The following PDE12 variants were observed in gnomAD, a reference collection of about 807,000 sequenced individuals.
PDE12 encodes the protein 2',5'-phosphodiesterase 12.
A neutral mutation model predicts 45.4 loss-of-function variants in PDE12; 26 were observed. That is an observed-to-expected ratio of 0.57 (90% CI 0.42 to 0.79). The LOEUF (loss-of-function observed/expected upper bound fraction) is 0.79, where lower values mean the gene tolerates loss of function less well. Ranked by LOEUF, PDE12 falls within the 30% of genes least tolerant of loss-of-function variation. PDE12 has a pLI of 0.00. For synonymous variants in PDE12, 283 were observed against 323.9 expected (o/e 0.87, Z 1.36); for missense variants, 668 against 790.0 (o/e 0.85, Z 1.85).
chr3:57,628,759 C>A, the PDE12 span: 2 of 1,567,546 alleles, frequency 1.3e-6, no homozygotes, highest in Non-Finnish European at 1.7e-6. Context: ...CATGAGAGGA[C>A]AATGTCTTCA....
At chr3:57,614,540 T>TTG in the PDE12 span, among the ~76,000 whole-genome samples, 5 of 118,528 alleles carry the variant, frequency 4.2e-5, no homozygotes, top group Non-Finnish European at 1.7e-5. Context: ...TTTTTTTGTT[T>TTG]TTTGTTTTTT....
At chr3:57,630,520 A>G in the PDE12 span, 31 of 1,587,138 alleles carry the variant, frequency 2.0e-5, no homozygotes, top group Non-Finnish European at 2.6e-5. Flanking sequence ...ACTTTAGGAA[A>G]TGCCTATAAA....
the PDE12 span, chr3:57,597,005 C>T: frequency 2.6e-6 from 4 of 1,557,734 alleles, no homozygotes; most frequent in East Asian, 2.3e-5. Flanking sequence ...AAAACAGGCC[C>T]AGAGGCCACC....
At chr3:57,578,508 G>T in the PDE12 span, among the ~76,000 whole-genome samples, 1 of 145,794 alleles carries the variant, frequency 6.9e-6, no homozygotes, top group East Asian at 2.0e-4. Flanking sequence ...TCTCAGACAG[G>T]GTCTCAACTC....
the PDE12 span, chr3:57,631,099 T>TC: frequency 1.3e-6 from 1 of 761,332 alleles, no homozygotes; most frequent in Non-Finnish European, 2.2e-6. Flanking sequence ...CAGCAACAAC[T>TC]CCATCACTCC....
chr3:57,617,714 T>A, the PDE12 span, among the ~76,000 whole-genome samples: 164 of 151,720 alleles, frequency 1.1e-3, no homozygotes, highest in Non-Finnish European at 1.8e-3. Context: ...AAATTTTTTT[T>A]AAATTAGCCA....
chr3:57,583,941 T>C, the PDE12 span: 1 of 1,611,894 alleles, frequency 6.2e-7, no homozygotes, highest in Non-Finnish European at 8.5e-7. Context: ...CCTAATTCTA[T>C]CTTGACCACC....
chr3:57,581,488 T>C, the PDE12 span, among the ~76,000 whole-genome samples: 1 of 152,202 alleles, frequency 6.6e-6, no homozygotes, highest in Non-Finnish European at 1.5e-5. Flanking sequence ...AGCAAGGTTT[T>C]ACTTCATATC....
chr3:57,629,839 G>C, the PDE12 span, among the ~76,000 whole-genome samples: 1 of 152,060 alleles, frequency 6.6e-6, no homozygotes, highest in Non-Finnish European at 1.5e-5. Flanking sequence ...ATTTCTAAAA[G>C]TGTTAATACT....
chr3:57,620,584 G>A, the PDE12 span, among the ~76,000 whole-genome samples: 7 of 151,868 alleles, frequency 4.6e-5, no homozygotes, highest in African/African-American at 1.7e-4. Context: ...AAATCTGATG[G>A]AGTCTTCAAA....
the PDE12 span, among the ~76,000 whole-genome samples, chr3:57,588,588 T>TCA: frequency 1.4e-5 from 2 of 147,608 alleles, no homozygotes; most frequent in Non-Finnish European, 3.0e-5. Flanking sequence ...GCACAGTGGC[T>TCA]CACACCTGTA....
the PDE12 span, among the ~76,000 whole-genome samples, chr3:57,601,341 C>G: frequency 1.1e-4 from 16 of 152,012 alleles, no homozygotes; most frequent in Non-Finnish European, 1.9e-4. Context: ...AACTCCTGAC[C>G]TAGGTGGTCC....
chr3:57,651,931 G>A, the PDE12 span, among the ~76,000 whole-genome samples: 3 of 152,154 alleles, frequency 2.0e-5, no homozygotes, highest in African/African-American at 7.2e-5. Flanking sequence ...TGTCCAGGCT[G>A]TGCATGGTGG....
At chr3:57,631,558 T>G in the PDE12 span, among the ~76,000 whole-genome samples, 2 of 152,086 alleles carry the variant, frequency 1.3e-5, no homozygotes, top group African/African-American at 4.8e-5. Flanking sequence ...GATAATGCAC[T>G]CAACATTTTA....
the PDE12 span, among the ~76,000 whole-genome samples, chr3:57,602,801 C>T: frequency 5.9e-5 from 9 of 151,930 alleles, no homozygotes; most frequent in Non-Finnish European, 1.3e-4. Flanking sequence ...CAACTCCTGA[C>T]CTCAGGTAAT....
the PDE12 span, among the ~76,000 whole-genome samples, chr3:57,609,485 T>G: frequency 6.6e-6 from 1 of 151,868 alleles, no homozygotes; most frequent in East Asian, 1.9e-4. Flanking sequence ...ATTGATAGAC[T>G]GCAAGCAAGA....
Position 57,565,156 on chromosome 3 carries a change from T to G in PDE12, c.*5152T>G, listed in dbSNP as rs1475876884. On this transcript the variant is annotated 3_prime_UTR_variant, in exon 3 of 3. Coordinates refer to ENST00000311180, the MANE Select transcript of PDE12 (RefSeq NM_177966.7). ...TGCATGCCACCATGCCTGGCTAATTTTTTAAATTGTTTGTAGAGATGGGGG... is the reference window on the plus strand; with the variant it reads ...TGCATGCCACCATGCCTGGCTAATTGTTTAAATTGTTTGTAGAGATGGGGG... The G allele has an allele frequency of 6.6e-6, 1 of 152,086 alleles. No homozygotes were observed. Among genetic ancestry groups the G allele is most frequent in the East Asian group, 1.9e-4 (1 of 5,186 alleles). The allele number at this position is 152,086 out of a possible 1,614,324, so 9.4% of individuals were successfully genotyped here.
chr3:57,562,230 G>A lies in PDE12; in HGVS notation c.*2226G>A. The A allele has an allele frequency of 2.2e-6, 1 of 447,414 alleles. No individual in the cohort carries two copies. Among genetic ancestry groups the A allele is most frequent in the Non-Finnish European group, 3.0e-6 (1 of 338,708 alleles). The allele number at this position is 447,414 out of a possible 1,614,324, so 27.7% of individuals were successfully genotyped here. Reference sequence around the variant, plus strand: ...GCATACAGCTTCCACATTAACACTGGCTAGATTAAACTCTAGTCAGAAAAA... The same window carrying A: ...GCATACAGCTTCCACATTAACACTGACTAGATTAAACTCTAGTCAGAAAAA... On this transcript the variant is annotated 3_prime_UTR_variant, in exon 3 of 3. Coordinates refer to ENST00000311180, the MANE Select transcript of PDE12 (RefSeq NM_177966.7).
At chr3:57,588,322 T>TG in the PDE12 span, among the ~76,000 whole-genome samples, 2 of 152,294 alleles carry the variant, frequency 1.3e-5, no homozygotes, top group South Asian at 4.1e-4. Context: ...CCTAGCACTT[T>TG]GGGAGGCTGA....
Sources: gnomAD v4.1 joint callset for allele counts (sites outside exome capture counted in the v4.1 genomes callset) on GRCh38, gnomAD v4.1.1 for gene constraint, MANE v1.5 for transcripts, NCBI Gene and HGNC (gene_info 2026-07-23, HGNC 2026-07-21) for gene names.